The following AGMO variants were observed in gnomAD, a reference collection of about 807,000 sequenced individuals.
The protein encoded by AGMO is alkylglycerol monooxygenase.
Under a neutral mutation model 60.2 loss-of-function variants are expected in AGMO, and 75 were observed. The observed-to-expected ratio is 1.25, with a 90% CI of 1.03 to 1.51. AGMO has a LOEUF of 1.51. Among genes scored for constraint, AGMO ranks in the 40% most tolerant of loss-of-function variants. The pLI is 0.00. For synonymous variants in AGMO, 261 were observed against 177.1 expected (o/e 1.47, Z -3.76); for missense variants, 763 against 525.5 (o/e 1.45, Z -4.42).
intron 3 of AGMO, among the ~76,000 whole-genome samples, chr7:15,472,611 T>G (rs562655864): frequency 6.6e-6 from 1 of 152,028 alleles, no homozygotes; most frequent in African/African-American, 2.4e-5. Context: ...CAGAAAGAAT[T>G]AAACGTCACA....
At chr7:15,243,233 G>T (rs1381959303) in intron 12 of AGMO, among the ~76,000 whole-genome samples, 11 of 152,010 alleles carry the variant, frequency 7.2e-5, no homozygotes, top group East Asian at 1.9e-4. Context: ...TTAAATCCAA[G>T]TTCTTTATAG....
At chr7:15,451,484 G>T (rs7781733) in intron 3 of AGMO, among the ~76,000 whole-genome samples, 54,570 of 151,888 alleles carry the variant, frequency 0.36, 11,195 homozygotes, top group Non-Finnish European at 0.48. Flanking sequence ...ATTCTAAGAT[G>T]AAGTCACCAG....
intron 2 of AGMO, among the ~76,000 whole-genome samples, chr7:15,558,572 A>G (rs1032148928): frequency 6.6e-6 from 1 of 152,090 alleles, no homozygotes; most frequent in Non-Finnish European, 1.5e-5. Context: ...CTATAATTGT[A>G]AATTCTTATT....
the AGMO span, among the ~76,000 whole-genome samples, chr7:15,179,112 T>G: frequency 1.3e-5 from 2 of 152,148 alleles, no homozygotes; most frequent in Non-Finnish European, 2.9e-5. Context: ...TGGGGACATT[T>G]GAACCACAGC....
chr7:15,322,945 CATAT>C (rs1235624000), intron 12 of AGMO, among the ~76,000 whole-genome samples: 2 of 127,030 alleles, frequency 1.6e-5, no homozygotes, highest in African/African-American at 5.3e-5. Context: ...TGTGTGTGTG[CATAT>C]ATATATAACA....
chr7:15,309,690 T>C (rs990168082), intron 12 of AGMO, among the ~76,000 whole-genome samples: 4 of 151,394 alleles, frequency 2.6e-5, no homozygotes, highest in African/African-American at 4.9e-5. Flanking sequence ...CTCTCTAAAA[T>C]AGACTATTAG....
chr7:15,283,505 T>C (rs1396644190), intron 12 of AGMO, among the ~76,000 whole-genome samples: 11 of 152,004 alleles, frequency 7.2e-5, no homozygotes, highest in African/African-American at 2.4e-4. Context: ...TATATAATGA[T>C]AAAATGATCA....
chr7:15,144,668 G>T, the AGMO span, among the ~76,000 whole-genome samples: 4 of 152,288 alleles, frequency 2.6e-5, no homozygotes, highest in African/African-American at 9.6e-5. Flanking sequence ...TATGTTACAT[G>T]GCTGTCTGCC....
At chr7:15,127,528 G>T in the AGMO span, among the ~76,000 whole-genome samples, 1 of 151,866 alleles carries the variant, frequency 6.6e-6, no homozygotes, top group Admixed American at 6.6e-5. Flanking sequence ...AGATACCAAG[G>T]GAAATACGTT....
At chr7:15,522,019 T>C (rs972975623) in intron 3 of AGMO, among the ~76,000 whole-genome samples, 2 of 152,182 alleles carry the variant, frequency 1.3e-5, no homozygotes, top group African/African-American at 2.4e-5. Context: ...GCAAAATCAA[T>C]GTGCAAAAAT....
At chr7:15,294,775 G>A (rs1004079172) in intron 12 of AGMO, among the ~76,000 whole-genome samples, 1 of 151,858 alleles carries the variant, frequency 6.6e-6, no homozygotes, top group Non-Finnish European at 1.5e-5. Flanking sequence ...GATTTATCCT[G>A]ATGAATAAAA....
rs28654282 is a variant in AGMO, at chr7:15,412,141, T to C, written c.609+6417A>G. On this transcript the variant is annotated intron_variant, in intron 5 of 12. Coordinates refer to ENST00000342526, the MANE Select transcript of AGMO (RefSeq NM_001004320.2). ...TTATTTCATTGTATATATTACTTCA[T>C]AATTCTGCTGCACATTTCTTATGCT... is the stretch of plus-strand genomic sequence containing the variant. Among the ~76,000 whole-genome samples, 692 of 152,292 alleles carry C rather than the reference T, an allele frequency of 4.5e-3. 6 individuals are homozygous for C. The highest frequency in any genetic ancestry group is 0.016 in the African/African-American group (653 of 41,580).
chr7:15,145,433 C>T, the AGMO span, among the ~76,000 whole-genome samples: 1 of 151,750 alleles, frequency 6.6e-6, no homozygotes, highest in Non-Finnish European at 1.5e-5. Context: ...AGTATGAATA[C>T]AATAAAAATT....
Position 15,419,807 on chromosome 7 carries a change from T to C in AGMO, c.514-1154A>G, listed in dbSNP as rs118005872. The stretch of plus-strand genomic sequence containing the variant: ...GACTCTCTCTGTGATACTCCCTAAG[T>C]TCTTAAGCTTCTCTAGGCTTCAGTT... On this transcript the variant is annotated intron_variant, in intron 4 of 12. Coordinates refer to ENST00000342526, the MANE Select transcript of AGMO (RefSeq NM_001004320.2). Among the ~76,000 whole-genome samples, 176 of 152,156 alleles carry C rather than the reference T, an allele frequency of 1.2e-3. No individual in the cohort carries two copies. In the East Asian group the frequency reaches 0.028, roughly 24 times the overall value.
At chr7:15,237,211 G>C (rs1782448951) in intron 12 of AGMO, among the ~76,000 whole-genome samples, 1 of 152,136 alleles carries the variant, frequency 6.6e-6, no homozygotes, top group Non-Finnish European at 1.5e-5. Context: ...CAGCAGCTGA[G>C]ATCCAGTAAG....
At chr7:15,365,395 A>AAAAAAAAAAAAG in intron 12 of AGMO, 119 bp downstream of exon 12, 2 of 477,678 alleles carry the variant, frequency 4.2e-6, no homozygotes, top group East Asian at 7.3e-5. Flanking sequence ...AAAAAAAAAA[A>AAAAAAAAAAAAG]GATCAAGATT....
In AGMO at chr7:15,410,528, T is replaced by C. The variant is rs181104151; in HGVS notation, c.609+8030A>G. Reference sequence around the variant, plus strand: ...TTAAATTTGATTGCATTTATTCATATTAATAATTCATATTAAACAAAATAT... The same window carrying C: ...TTAAATTTGATTGCATTTATTCATACTAATAATTCATATTAAACAAAATAT... On this transcript the variant is annotated intron_variant, in intron 5 of 12. Transcript: ENST00000342526. 2.0e-5 allele frequency among the ~76,000 whole-genome samples: 3 copies of C among 152,002 alleles called. No individual in the cohort carries two copies. In the East Asian group the frequency reaches 5.8e-4, roughly 29 times the overall value.
intron 3 of AGMO, among the ~76,000 whole-genome samples, chr7:15,434,333 A>G (rs1781337690): frequency 6.6e-6 from 1 of 152,134 alleles, no homozygotes; most frequent in Admixed American, 6.6e-5. Context: ...CATGCCTTTT[A>G]TAATCTCCTA....
chr7:15,365,676 CAT>C (rs144317470), intron 11 of AGMO, 57 bp from the exon 12 acceptor site: 41,470 of 1,163,016 alleles, frequency 0.036, 913 homozygotes, highest in Middle Eastern at 0.059. Flanking sequence ...TATATGTTCA[CAT>C]GTTATAATTA....
Sources: allele counts gnomAD v4.1 joint callset (sites outside exome capture counted in the v4.1 genomes callset), GRCh38; gene constraint gnomAD v4.1.1; transcripts MANE v1.5; gene names NCBI Gene and HGNC (gene_info 2026-07-23, HGNC 2026-07-21).